The following CCDC33 variants were observed in gnomAD, a reference collection of about 807,000 sequenced individuals.
CCDC33 encodes coiled-coil domain containing 33.
Under a neutral mutation model 91.9 loss-of-function variants are expected in CCDC33, and 94 were observed. That is an observed-to-expected ratio of 1.02 (90% confidence interval 0.87 to 1.21). CCDC33 has a LOEUF of 1.21. Ranked by LOEUF, CCDC33 falls within the 50% of genes most tolerant of loss-of-function variation. CCDC33 has a pLI of 0.00. For synonymous variants in CCDC33, 396 were observed against 374.5 expected (o/e 1.06, Z -0.66); for missense variants, 940 against 935.5 (o/e 1.00, Z -0.06).
At chr15:74,233,434 G>A (rs948817270), upstream of CCDC33, among the ~76,000 whole-genome samples, 6 of 152,226 alleles carry the variant, frequency 3.9e-5, no homozygotes, top group Admixed American at 2.0e-4. Flanking sequence ...TGAATCCACC[G>A]GCTGCTGGCC....
chr15:74,213,909 C>T (rs1595873645), upstream of CCDC33, among the ~76,000 whole-genome samples: 1 of 152,172 alleles, frequency 6.6e-6, no homozygotes, highest in Non-Finnish European at 1.5e-5. Flanking sequence ...GATCAGAGGT[C>T]TATCCCTTCA....
intron 11 of CCDC33, among the ~76,000 whole-genome samples, chr15:74,319,266 C>T (rs369443503): frequency 7.2e-5 from 11 of 152,344 alleles, no homozygotes; most frequent in African/African-American, 2.6e-4. Context: ...ACGGAGTGGG[C>T]AAGGGCCTCG....
intron 11 of CCDC33, chr15:74,299,635 T>C (rs2059753974): frequency 6.6e-6 from 1 of 152,238 alleles, no homozygotes; most frequent in South Asian, 2.1e-4. Context: ...GCCAAGGAAA[T>C]ACTGGACACT....
chr15:74,330,575 A>T (rs540123030), intron 12 of CCDC33, 88 bp from the exon 13 acceptor site: 18 of 1,214,132 alleles, frequency 1.5e-5, no homozygotes, highest in Non-Finnish European at 2.1e-5. Flanking sequence ...CCTCGGGCCA[A>T]GGGATATCTG....
chr15:74,260,714 C>T (rs1251431954), intron 2 of CCDC33, among the ~76,000 whole-genome samples: 1 of 152,154 alleles, frequency 6.6e-6, no homozygotes, highest in East Asian at 1.9e-4. Context: ...GATTCCACAC[C>T]TTGGCCCGAG....
intron 2 of CCDC33, among the ~76,000 whole-genome samples, chr15:74,257,054 G>A (rs978135937): frequency 6.6e-6 from 1 of 152,232 alleles, no homozygotes; most frequent in Non-Finnish European, 1.5e-5. Context: ...GAAGAGCTGG[G>A]CCCTCAGGGA....
chr15:74,227,088 G>C (rs1267798885), intron 2 of CCDC33, among the ~76,000 whole-genome samples: 1 of 152,130 alleles, frequency 6.6e-6, no homozygotes, highest in East Asian at 1.9e-4. Context: ...GCAGCCTGCA[G>C]AGCCCATTGG....
At chr15:74,298,480 C>CAG (rs1391399681) in intron 11 of CCDC33, among the ~76,000 whole-genome samples, 9 of 152,094 alleles carry the variant, frequency 5.9e-5, no homozygotes, top group Non-Finnish European at 2.9e-5. Context: ...GAGATGGGAC[C>CAG]AGATTGCAGC....
chr15:74,232,705 G>A (rs390760), upstream of CCDC33, among the ~76,000 whole-genome samples: 6,332 of 152,278 alleles, frequency 0.042, 383 homozygotes, highest in African/African-American at 0.14. Flanking sequence ...TTTGGTTCCC[G>A]TCCTTATCCA....
intron 7 of CCDC33, among the ~76,000 whole-genome samples, chr15:74,276,707 C>T (rs918278435): frequency 6.6e-6 from 1 of 152,212 alleles, no homozygotes; most frequent in African/African-American, 2.4e-5. Flanking sequence ...GGCTCCAGCT[C>T]ATACAGGCAT....
chr15:74,280,911 G>A, intron 9 of CCDC33, 110 bp downstream of exon 9: 1 of 1,162,630 alleles, frequency 8.6e-7, no homozygotes, highest in Non-Finnish European at 1.1e-6. Context: ...TTCTCCAGAA[G>A]CTTCTGTCAA....
intron 2 of CCDC33, among the ~76,000 whole-genome samples, chr15:74,252,546 G>C (rs2075741975): frequency 1.3e-5 from 2 of 152,236 alleles, no homozygotes; most frequent in African/African-American, 4.8e-5. Flanking sequence ...CTGGAAGCAG[G>C]CTGCGTTATT....
In CCDC33 at chr15:74,318,696, G is replaced by T. The variant is rs1405315576; in HGVS notation, c.1291-11493G>T. 6.7e-6 allele frequency: 5 copies of T among 743,082 alleles called. No homozygotes were observed. In the South Asian group the frequency reaches 7.2e-5, roughly 11 times the overall value. The allele number at this position is 743,082 out of a possible 1,614,324, so 46.0% of individuals were successfully genotyped here. On this transcript the variant is annotated intron_variant, in intron 11 of 18. Transcript: ENST00000398814. ...CTCGCCCACTGGTTCTGGGAAGATG[G>T]GTTGGCTCGCCTAGCAGCAGGTGTG...
intron 11 of CCDC33, among the ~76,000 whole-genome samples, chr15:74,319,114 TG>T (rs988875307): frequency 1.3e-5 from 2 of 152,142 alleles, no homozygotes; most frequent in African/African-American, 4.8e-5. Flanking sequence ...CAGCTCAGAC[TG>T]GGGGCTGGGG....
At chr15:74,289,054 G>C (rs913376261) in intron 10 of CCDC33, among the ~76,000 whole-genome samples, 1 of 152,286 alleles carries the variant, frequency 6.6e-6, no homozygotes, top group Admixed American at 6.5e-5. Context: ...CAGGGATGAG[G>C]ACAGGGCTCC....
At chr15:74,286,678 G>A (rs2959014) in intron 10 of CCDC33, among the ~76,000 whole-genome samples, 92,355 of 151,988 alleles carry the variant, frequency 0.61, 33,320 homozygotes, top group Non-Finnish European at 0.82. Context: ...TTTAAGATTT[G>A]GGATCCATCA....
intron 5 of CCDC33, among the ~76,000 whole-genome samples, chr15:74,270,388 A>C (rs780038332): frequency 1.3e-5 from 2 of 152,154 alleles, no homozygotes; most frequent in Non-Finnish European, 2.9e-5. Context: ...AAGTGGCAGG[A>C]GTAAAAGAGT....
At chr15:74,309,472 G>A (rs12905100) in intron 11 of CCDC33, among the ~76,000 whole-genome samples, 79,024 of 151,968 alleles carry the variant, frequency 0.52, 22,184 homozygotes, top group Non-Finnish European at 0.63. Context: ...CCTCCTACTC[G>A]GCTCCCAGCC....
At chr15:74,325,484 T>A (rs1596126531) in intron 11 of CCDC33, among the ~76,000 whole-genome samples, 1 of 152,150 alleles carries the variant, frequency 6.6e-6, no homozygotes, top group East Asian at 1.9e-4. Context: ...GAGACTCCTG[T>A]AAGCTCTCCT....
Sources: allele counts gnomAD v4.1 joint callset (sites outside exome capture counted in the v4.1 genomes callset), GRCh38; gene constraint gnomAD v4.1.1; transcripts MANE v1.5; gene names NCBI Gene and HGNC (gene_info 2026-07-23, HGNC 2026-07-21).